The following SLC44A5 variants were observed in gnomAD, a reference collection of about 807,000 sequenced individuals.
SLC44A5 encodes choline transporter-like protein 5.
SLC44A5 carries 57 observed loss-of-function variants against 101.8 expected under a neutral mutation model. The ratio of observed to expected loss-of-function variants is 0.56; its 90% CI spans 0.45 to 0.70. SLC44A5 has a LOEUF of 0.70. Among genes scored for constraint, SLC44A5 ranks in the 30% least tolerant of loss-of-function variants. The pLI, the probability that SLC44A5 is intolerant of heterozygous loss-of-function variation, is 0.00. For missense variants in SLC44A5, 737 were observed against 853.1 expected, an observed-to-expected ratio of 0.86 and a Z score of 1.70; for synonymous variants, 281 against 290.9, an observed-to-expected ratio of 0.97 and a Z score of 0.35.
intron 3 of SLC44A5, among the ~76,000 whole-genome samples, chr1:75,391,403 T>G (rs1661778266): frequency 6.6e-6 from 1 of 152,078 alleles, no homozygotes; most frequent in South Asian, 2.1e-4. Context: ...CAAAGCATCC[T>G]AAACAAAAAG....
the SLC44A5 span, among the ~76,000 whole-genome samples, chr1:75,632,290 T>G: frequency 1.3e-5 from 2 of 152,156 alleles, no homozygotes; most frequent in African/African-American, 4.8e-5. Context: ...GAGACATTCT[T>G]ATAAAATATT....
intron 2 of SLC44A5, among the ~76,000 whole-genome samples, chr1:75,471,258 G>T (rs370988508): frequency 1.7e-4 from 26 of 152,074 alleles, no homozygotes; most frequent in African/African-American, 5.8e-4. Flanking sequence ...TTTCTGCCTT[G>T]AAGGGAATCC....
Position 75,459,002 on chromosome 1 carries a change from C to G in SLC44A5, c.14-62381G>C, listed in dbSNP as rs374827566. ...CAAGTAAGAGATAGAGAATTGAACC[C>G]CATCAGAATAACTAAAGCCAGAAGA... On this transcript the variant is annotated intron_variant, in intron 2 of 23. Coordinates refer to ENST00000370859, the MANE Select transcript of SLC44A5 (RefSeq NM_001130058.2). 2.6e-4 allele frequency among the ~76,000 whole-genome samples: 40 copies of G among 152,064 alleles called. No homozygotes were observed. The South Asian group carries it at 8.1e-3, about 31-fold the overall frequency.
At chr1:75,593,128 C>T (rs6687877) in intron 1 of SLC44A5, among the ~76,000 whole-genome samples, 26,451 of 152,016 alleles carry the variant, frequency 0.17, 2,653 homozygotes, top group Admixed American at 0.26. Flanking sequence ...ACACAAGGAA[C>T]TCAACACTAA....
At chr1:75,321,255 G>A (rs1656119981) in intron 4 of SLC44A5, among the ~76,000 whole-genome samples, 1 of 152,174 alleles carries the variant, frequency 6.6e-6, no homozygotes, top group Non-Finnish European at 1.5e-5. Context: ...CCACTTCTCA[G>A]TACCAATTTA....
At chr1:75,335,970 T>C (rs1480385062) in intron 4 of SLC44A5, among the ~76,000 whole-genome samples, 2 of 152,128 alleles carry the variant, frequency 1.3e-5, no homozygotes, top group South Asian at 2.1e-4. Flanking sequence ...GCTTGCTCTT[T>C]AGCTTTTCAT....
chr1:75,716,566 C>G, the SLC44A5 span, among the ~76,000 whole-genome samples: 1 of 152,166 alleles, frequency 6.6e-6, no homozygotes, highest in Non-Finnish European at 1.5e-5. Flanking sequence ...GTGGCGATTT[C>G]TCAAAGAACT....
chr1:75,400,266 A>C (rs540789323), intron 2 of SLC44A5, among the ~76,000 whole-genome samples: 1 of 152,342 alleles, frequency 6.6e-6, no homozygotes, highest in Admixed American at 6.5e-5. Context: ...GATGGGTTCC[A>C]TAAAAGTCCA....
chr1:75,399,799 G>A (rs1316782555), intron 2 of SLC44A5, among the ~76,000 whole-genome samples: 1 of 152,096 alleles, frequency 6.6e-6, no homozygotes, highest in Non-Finnish European at 1.5e-5. Context: ...TTACTTTGAT[G>A]TTTTCTTTGA....
intron 2 of SLC44A5, among the ~76,000 whole-genome samples, chr1:75,466,881 A>C (rs1332097071): frequency 2.6e-5 from 4 of 152,096 alleles, no homozygotes; most frequent in Admixed American, 2.0e-4. Context: ...CCAAATTGGA[A>C]AGGAAGAAGT....
At chr1:75,670,278 A>G in the SLC44A5 span, among the ~76,000 whole-genome samples, 1 of 152,154 alleles carries the variant, frequency 6.6e-6, no homozygotes, top group Non-Finnish European at 1.5e-5. Flanking sequence ...CAATTTAAGA[A>G]GTTATTTGAT....
intron 3 of SLC44A5, among the ~76,000 whole-genome samples, chr1:75,372,767 T>C (rs1036274166): frequency 1.2e-4 from 19 of 152,204 alleles, no homozygotes; most frequent in Non-Finnish European, 2.6e-4. Flanking sequence ...AATTTGACAT[T>C]GGAAAATTGT....
At chr1:75,476,444 G>A (rs1033726263) in intron 2 of SLC44A5, among the ~76,000 whole-genome samples, 7 of 152,154 alleles carry the variant, frequency 4.6e-5, no homozygotes, top group Admixed American at 1.3e-4. Context: ...GAAGCAGGGC[G>A]AGGCATTGCC....
At chr1:75,300,077 C>G (rs1022936054) in intron 5 of SLC44A5, among the ~76,000 whole-genome samples, 1 of 147,966 alleles carries the variant, frequency 6.8e-6, no homozygotes, top group African/African-American at 2.5e-5. Context: ...CTCTTATTTT[C>G]ACTTTCATAG....
chr1:75,452,023 G>T (rs541091565), intron 2 of SLC44A5, among the ~76,000 whole-genome samples: 1 of 152,074 alleles, frequency 6.6e-6, no homozygotes, highest in African/African-American at 2.4e-5. Context: ...AGAGAGGGAG[G>T]CATCCAGATA....
At chr1:75,636,045 C>T in the SLC44A5 span, among the ~76,000 whole-genome samples, 1 of 152,078 alleles carries the variant, frequency 6.6e-6, no homozygotes, top group Non-Finnish European at 1.5e-5. Context: ...TAAGTAATTC[C>T]TCATCATGCA....
At chr1:75,578,872 A>G (rs567220667) in intron 1 of SLC44A5, among the ~76,000 whole-genome samples, 1 of 152,232 alleles carries the variant, frequency 6.6e-6, no homozygotes, top group South Asian at 2.1e-4. Flanking sequence ...TATATAAAAT[A>G]TGCTGTACAC....
At chr1:75,282,968 C>T (rs138512695) in intron 5 of SLC44A5, among the ~76,000 whole-genome samples, 1 of 152,214 alleles carries the variant, frequency 6.6e-6, no homozygotes, top group East Asian at 1.9e-4. Flanking sequence ...GGTAAACATG[C>T]GTGTGCAAGT....
Position 75,543,699 on chromosome 1 carries a change from A to ATG in SLC44A5, c.-69-2184_-69-2183insCA, listed in dbSNP as rs3031449. On this transcript the variant is annotated intron_variant, in intron 1 of 23. Transcript: ENST00000370859. The stretch of plus-strand genomic sequence containing the variant: ...CACATATATATACACATATATATAC[A>ATG]TATATATATATAATTGGAACTTCTT... Among the ~76,000 whole-genome samples the ATG allele has an allele frequency of 5.8e-3, 3 of 520 alleles. No homozygotes were observed. The East Asian group carries it at 0.17, about 29-fold the overall frequency. 0.3% of individuals were successfully genotyped at this position (520 alleles called of 152,430 possible). A position where few individuals can be genotyped will look rare whatever the true frequency, so the allele number is the denominator to read the frequency against.
Sources: allele counts gnomAD v4.1 joint callset (sites outside exome capture counted in the v4.1 genomes callset), GRCh38; gene constraint gnomAD v4.1.1; transcripts MANE v1.5; gene names NCBI Gene and HGNC (gene_info 2026-07-23, HGNC 2026-07-21).